TK1: variants seen among roughly 807,000 people sequenced by gnomAD.
TK1 encodes thymidine kinase 1.
TK1 carries 13 observed loss-of-function variants against 22.4 expected under a neutral mutation model. That is an observed-to-expected ratio of 0.58 (90% confidence interval 0.38 to 0.92). The LOEUF (loss-of-function observed/expected upper bound fraction) is 0.92. TK1 is among the 40% of genes least tolerant of loss of function. The pLI, the probability that TK1 is intolerant of heterozygous loss-of-function variation, is 0.00. For missense variants in TK1, 251 were observed against 315.7 expected (o/e 0.80, Z 1.55); for synonymous variants, 134 against 125.4 (o/e 1.07, Z -0.46).
chr17:78,175,111 G>A lies in TK1; in HGVS notation c.452C>T (p.Ala151Val), dbSNP rs777248721. The change falls in exon 6 of 7, where the codon GCG (alanine) becomes GTG (valine). Residue 151 changes from alanine to valine, a missense_variant. By Grantham distance (64) the Ala-to-Val change is moderately conservative. Transcript: ENST00000301634. Reference sequence around the variant, plus strand: ...TTCCCGGAAGCACTCCATGCACACCGCCGTCAGCTTCACCACGCTCTCGGC... The same window carrying A: ...TTCCCGGAAGCACTCCATGCACACCACCGTCAGCTTCACCACGCTCTCGGC... ...PLAESVVKLTAVCMECFREAA... is the reference protein window; with the variant it reads ...PLAESVVKLTVVCMECFREAA... 1.2e-5 allele frequency: 19 copies of A among 1,613,358 alleles called. No homozygotes were observed. Among genetic ancestry groups the A allele is most frequent in the East Asian group, 6.7e-5 (3 of 44,848 alleles).
At chr17:78,176,715 G>A (rs982457038) in intron 4 of TK1, among the ~76,000 whole-genome samples, 4 of 152,168 alleles carry the variant, frequency 2.6e-5, no homozygotes, top group Non-Finnish European at 4.4e-5. Context: ...CACCACCTGC[G>A]CCAGGGGCGC....
At chr17:78,178,741 T>C (rs539053711) in intron 4 of TK1, among the ~76,000 whole-genome samples, 19 of 152,164 alleles carry the variant, frequency 1.2e-4, no homozygotes, top group African/African-American at 4.1e-4. Context: ...GCCTACCGGG[T>C]TCAAGCGATT....
intron 2 of TK1, among the ~76,000 whole-genome samples, chr17:78,186,275 G>T (rs1353382271): frequency 6.6e-6 from 1 of 152,040 alleles, no homozygotes; most frequent in Non-Finnish European, 1.5e-5. Context: ...TGGTGCGTGG[G>T]TAGTTTACTC....
At chr17:78,184,896 G>A (rs1026772554) in intron 3 of TK1, among the ~76,000 whole-genome samples, 159 bp downstream of exon 3, 4 of 152,104 alleles carry the variant, frequency 2.6e-5, no homozygotes, top group African/African-American at 9.7e-5. Context: ...CCCAGGGAGT[G>A]GAGAGTGTGC....
At chr17:78,184,795 C>A (rs376128683) in intron 3 of TK1, among the ~76,000 whole-genome samples, 4 of 152,042 alleles carry the variant, frequency 2.6e-5, no homozygotes, top group South Asian at 2.1e-4. Context: ...TCCCCTCCCC[C>A]CTCCAGTTGC....
At chr17:78,178,272 C>T (rs1478040428) in intron 4 of TK1, among the ~76,000 whole-genome samples, 2 of 152,250 alleles carry the variant, frequency 1.3e-5, no homozygotes, top group Admixed American at 6.5e-5. Flanking sequence ...GGTGCCCACC[C>T]ACCACCAGCA....
upstream of TK1, chr17:78,187,134 G>C (rs901631582): frequency 9.7e-7 from 1 of 1,036,238 alleles, no homozygotes; most frequent in African/African-American, 1.6e-5. Flanking sequence ...GCCAATCAGC[G>C]CCCGGCCGCT....
intron 4 of TK1, among the ~76,000 whole-genome samples, chr17:78,177,678 ACT>A (rs1487473946): frequency 1.3e-5 from 2 of 149,502 alleles, no homozygotes; most frequent in East Asian, 2.0e-4. Flanking sequence ...GGTTCACGCC[ACT>A]CTCCTGCCTC....
chr17:78,185,211 G>T (rs1462816970), intron 2 of TK1, 46 bp from the exon 3 acceptor site: 4 of 1,482,492 alleles, frequency 2.7e-6, no homozygotes, highest in Non-Finnish European at 3.8e-6. Context: ...CGGGAGGAGT[G>T]GGAGAAGGAG....
intron 4 of TK1, among the ~76,000 whole-genome samples, chr17:78,178,860 G>A (rs1238732429): frequency 1.3e-5 from 2 of 152,308 alleles, no homozygotes; most frequent in African/African-American, 4.8e-5. Context: ...GGTCAGGCTG[G>A]TGACCCGGAA....
In TK1 at chr17:78,175,552, G is replaced by A. The variant is rs2075692744; in HGVS notation, c.370C>T (p.Leu124=). 2 of 1,613,804 alleles carry A rather than the reference G, an allele frequency of 1.2e-6. No individual in the cohort carries two copies. Among genetic ancestry groups the A allele is most frequent in the African/African-American group, 1.3e-5 (1 of 75,042 alleles). ...ACCTTCCTCTGGAAGGTCCCATCCA[G>A]TGCAGCCACAATTACGGTCTTCCCG... ...NAGKTVIVAA[L]DGTFQRKPFG... Residue 124 remains leucine, a synonymous_variant, in exon 5 of 7, where the codon CTG becomes TTG. Transcript: ENST00000301634.
intron 5 of TK1, 56 bp downstream of exon 5, chr17:78,175,473 C>T: frequency 3.9e-6 from 6 of 1,539,550 alleles, no homozygotes; most frequent in Non-Finnish European, 5.3e-6. Context: ...CTGTGCCCAT[C>T]CAGAAGCCTC....
Position 78,186,700 on chromosome 17 carries a change from GAGGGGAGGGA to G in TK1, c.98+77_98+86del, listed in dbSNP as rs1284676970. The G allele has an allele frequency of 2.9e-4, 320 of 1,111,044 alleles. 3 individuals carry two copies. In the African/African-American group the frequency reaches 5.5e-3, roughly 19 times the overall value. The allele number at this position is 1,111,044 out of a possible 1,614,324, so 68.8% of individuals were successfully genotyped here. A position where few individuals can be genotyped will look rare whatever the true frequency, so the allele number is the denominator to read the frequency against. On this transcript the variant is annotated intron_variant, in intron 2 of 6. Transcript: ENST00000301634. ...GAGGGAAGGGAAGGGGAGGGGAGGG[GAGGGGAGGGA>G]AGGGGAGGGGAGGGACGGGACAAGG...
intron 4 of TK1, 150 bp downstream of exon 4, chr17:78,182,439 G>T: frequency 2.0e-6 from 1 of 499,858 alleles, no homozygotes; most frequent in Non-Finnish European, 3.4e-6. Flanking sequence ...AAACTAGAAA[G>T]GGGCCTTCAG....
In TK1 at chr17:78,185,105, G is replaced by A; in HGVS notation, c.159C>T (p.Ile53=). Residue 53 remains isoleucine (I), a synonymous_variant, in exon 3 of 7, where the codon ATC becomes ATT. Coordinates refer to ENST00000301634, the MANE Select transcript of TK1 (RefSeq NM_003258.5). ...FQIAQYKCLV[I]KYAKDTRYSS... is the part of the protein sequence containing the mutation. ...TGTAGCGAGTGTCTTTGGCATACTT[G>A]ATCACCAGGCACTTGTACTGAGCAA... The A allele has an allele frequency of 6.2e-7, 1 of 1,612,040 alleles. No homozygotes were observed. Among genetic ancestry groups the A allele is most frequent in the East Asian group, 2.2e-5 (1 of 44,856 alleles).
intron 3 of TK1, 64 bp from the exon 4 acceptor site, chr17:78,182,746 A>G: frequency 6.9e-6 from 9 of 1,304,148 alleles, no homozygotes; most frequent in Non-Finnish European, 9.3e-6. Flanking sequence ...TGCAGGGGCC[A>G]GGGAATGGCA....
At chr17:78,186,306 C>T (rs950009358) in intron 2 of TK1, among the ~76,000 whole-genome samples, 13 of 152,070 alleles carry the variant, frequency 8.5e-5, no homozygotes, top group Non-Finnish European at 1.5e-4. Flanking sequence ...CTAGCCCCAC[C>T]CGGGTCAGGG....
chr17:78,183,627 G>A (rs576621427), intron 3 of TK1: 1 of 152,254 alleles, frequency 6.6e-6, no homozygotes, highest in South Asian at 2.1e-4. Context: ...AGGGTTTGGG[G>A]TCACGTAACA....
chr17:78,175,219 G>GTTTTTAT, intron 5 of TK1, 50 bp from the exon 6 acceptor site: 3 of 1,574,992 alleles, frequency 1.9e-6, no homozygotes, highest in African/African-American at 1.4e-5. Flanking sequence ...TACCAGGTGG[G>GTTTTTAT]TTTTTCTTTT....
Sources: gnomAD v4.1 joint callset for allele counts (sites outside exome capture counted in the v4.1 genomes callset) on GRCh38, gnomAD v4.1.1 for gene constraint, MANE v1.5 for transcripts, NCBI Gene and HGNC (gene_info 2026-07-23, HGNC 2026-07-21) for gene names.